CNTNAP2: variants seen among roughly 807,000 people sequenced by gnomAD.
CNTNAP2 encodes the protein contactin-associated protein-like 2.
In CNTNAP2, 98 loss-of-function variants were observed where a neutral mutation model predicts 155.2. The ratio of observed to expected loss-of-function variants is 0.63; its 90% CI spans 0.54 to 0.75. CNTNAP2 has a LOEUF of 0.75. Ranked by LOEUF, CNTNAP2 falls within the 30% of genes least tolerant of loss-of-function variation. The pLI is 0.00. For missense variants in CNTNAP2, 1,727 were observed against 1,688.1 expected, an observed-to-expected ratio of 1.02 and a Z score of -0.40; for synonymous variants, 651 against 631.2, an observed-to-expected ratio of 1.03 and a Z score of -0.47.
rs138689065 is a variant in CNTNAP2 at position 146,200,289 on chromosome 7, A to C, written c.97+83316A>C. 5.2e-3 allele frequency among the ~76,000 whole-genome samples: 799 copies of C among 152,208 alleles called. 6 individuals carry two copies. Among genetic ancestry groups the C allele is most frequent in the African/African-American group, 0.018 (756 of 41,538 alleles). On this transcript the variant is annotated intron_variant, in intron 1 of 23. Transcript: ENST00000361727. ...GGCGGGCGGATCACGATGTCAAGAG[A>C]TCGAAACCATCCTGGCCCACATGGT... is the stretch of plus-strand genomic sequence containing the variant.
chr7:146,507,861 C>G (rs1233278293), intron 1 of CNTNAP2, among the ~76,000 whole-genome samples: 1 of 152,138 alleles, frequency 6.6e-6, no homozygotes, highest in Non-Finnish European at 1.5e-5. Context: ...GCAGCAACAC[C>G]GTGAAAGTCT....
At position 146,774,340 on chromosome 7, in the gene CNTNAP2, G is replaced by GTAGC; in HGVS notation, c.170_173dup (p.Tyr58Ter). On this transcript the variant is annotated frameshift_variant, in exon 2 of 24. Transcript: ENST00000361727. LOFTEE classifies it high-confidence loss of function. ...TTCAGCAGCTCCTCCTCCATCTCTGGTAGCTATTCTCCCGGCTATGCCAAG... is the reference window on the plus strand; with the variant it reads ...TTCAGCAGCTCCTCCTCCATCTCTGGTAGCTAGCTATTCTCCCGGCTATGCCAAG... 1 of 1,613,930 alleles carries GTAGC rather than the reference G, an allele frequency of 6.2e-7. No individual in the cohort carries two copies. Among genetic ancestry groups the GTAGC allele is most frequent in the Non-Finnish European group, 8.5e-7 (1 of 1,179,952 alleles).
At chr7:147,727,762 T>TTTG (rs11428363) in intron 13 of CNTNAP2, among the ~76,000 whole-genome samples, 1 of 151,096 alleles carries the variant, frequency 6.6e-6, no homozygotes, top group Non-Finnish European at 1.5e-5. Context: ...TTTTTTTTTT[T>TTTG]CCTGCGCTCA....
At chr7:146,753,267 A>G (rs1243744615) in intron 1 of CNTNAP2, among the ~76,000 whole-genome samples, 1 of 138,844 alleles carries the variant, frequency 7.2e-6, no homozygotes, top group African/African-American at 3.4e-5. Context: ...ATAACTCAGG[A>G]AAAAAAATAG....
chr7:147,902,465 A>G (rs1799885760), intron 13 of CNTNAP2, among the ~76,000 whole-genome samples: 1 of 152,136 alleles, frequency 6.6e-6, no homozygotes, highest in African/African-American at 2.4e-5. Context: ...TGCATGAGTA[A>G]GTTCTTTAGT....
intron 15 of CNTNAP2, among the ~76,000 whole-genome samples, chr7:148,001,939 G>C (rs527766602): frequency 6.6e-6 from 1 of 151,958 alleles, no homozygotes; most frequent in African/African-American, 2.4e-5. Flanking sequence ...TATATTTTAT[G>C]GTTTTCCAAA....
In CNTNAP2 at chr7:147,324,326, A is replaced by G. The variant is rs190000554; in HGVS notation, c.1498+24036A>G. Among the ~76,000 whole-genome samples the G allele has an allele frequency of 6.3e-4, 96 of 152,322 alleles. No individual in the cohort carries two copies. The Middle Eastern group carries it at 0.01, about 16-fold the overall frequency. ...AAGGATAATTAACCATATTTTAAAA[A>G]CTATTAGAAATGTTTATATTATTGT... On this transcript the variant is annotated intron_variant, in intron 9 of 23. Coordinates refer to ENST00000361727, the MANE Select transcript of CNTNAP2 (RefSeq NM_014141.6).
intron 9 of CNTNAP2, among the ~76,000 whole-genome samples, chr7:147,375,906 C>T (rs1796425451): frequency 6.6e-6 from 1 of 152,004 alleles, no homozygotes; most frequent in African/African-American, 2.4e-5. Flanking sequence ...TTTGAGCCAG[C>T]AGTTCTTCCA....
intron 21 of CNTNAP2, among the ~76,000 whole-genome samples, chr7:148,379,249 C>T (rs76834333): frequency 9.0e-4 from 134 of 149,164 alleles, no homozygotes; most frequent in African/African-American, 3.2e-3. Flanking sequence ...AATATCACAT[C>T]GCCCTCCCCA....
At chr7:146,937,358 A>AAAT (rs1426940587) in intron 3 of CNTNAP2, among the ~76,000 whole-genome samples, 2 of 134,234 alleles carry the variant, frequency 1.5e-5, no homozygotes, top group Admixed American at 7.1e-5. Flanking sequence ...TCTCAAAAAA[A>AAAT]AAAATAAAAA....
intron 3 of CNTNAP2, among the ~76,000 whole-genome samples, chr7:146,865,062 A>G (rs1402560636): frequency 6.6e-6 from 1 of 151,554 alleles, no homozygotes; most frequent in Non-Finnish European, 1.5e-5. Context: ...AAAAAATTCT[A>G]TATGCTAGCA....
chr7:146,330,420 G>A (rs1010738244), intron 1 of CNTNAP2, among the ~76,000 whole-genome samples: 1 of 152,046 alleles, frequency 6.6e-6, no homozygotes, highest in Admixed American at 6.6e-5. Context: ...TGGTGATATG[G>A]GTGGCTATAA....
chr7:147,606,176 T>G, intron 12 of CNTNAP2, among the ~76,000 whole-genome samples: 1 of 152,170 alleles, frequency 6.6e-6, no homozygotes, highest in Non-Finnish European at 1.5e-5. Flanking sequence ...TAATAGAAAC[T>G]CAGAAGCTTT....
Position 147,869,117 on chromosome 7 carries a change from C to A in CNTNAP2, c.2099-34448C>A, listed in dbSNP as rs1183788533. 3.3e-5 allele frequency among the ~76,000 whole-genome samples: 5 copies of A among 152,218 alleles called. No homozygotes were observed. In the East Asian group the frequency reaches 9.6e-4, roughly 29 times the overall value. On this transcript the variant is annotated intron_variant, in intron 13 of 23. Transcript: ENST00000361727. ...CGGCCGTCTTGGAATGGAGCTCTAT[C>A]TTTCCATTTCAATGCAGCCACTTTA...
intron 3 of CNTNAP2, among the ~76,000 whole-genome samples, chr7:146,856,476 TA>T (rs781486077): frequency 2.6e-5 from 4 of 152,064 alleles, no homozygotes; most frequent in Non-Finnish European, 5.9e-5. Context: ...ACCATCATAG[TA>T]AATACTAGTT....
chr7:146,889,244 C>T (rs1231737754), intron 3 of CNTNAP2, among the ~76,000 whole-genome samples: 1 of 152,012 alleles, frequency 6.6e-6, no homozygotes, highest in Non-Finnish European at 1.5e-5. Flanking sequence ...ATAAGTATAG[C>T]TTTCTTATAT....
At chr7:147,502,983 A>G (rs1444500241) in intron 11 of CNTNAP2, among the ~76,000 whole-genome samples, 1 of 152,138 alleles carries the variant, frequency 6.6e-6, no homozygotes, top group Non-Finnish European at 1.5e-5. Context: ...TTCCTGACAG[A>G]TGATTCCAAG....
chr7:146,263,384 T>G (rs781588583), intron 1 of CNTNAP2, among the ~76,000 whole-genome samples: 2 of 152,198 alleles, frequency 1.3e-5, no homozygotes, highest in African/African-American at 2.4e-5. Context: ...TCCCTTACTC[T>G]TAAGCGTAGT....
chr7:147,463,958 TAAA>T (rs34032978), intron 10 of CNTNAP2, among the ~76,000 whole-genome samples: 1 of 82,968 alleles, frequency 1.2e-5, no homozygotes, highest in African/African-American at 4.9e-5. Context: ...GCCCCACTAC[TAAA>T]AAAAAAAAAA....
Sources: gnomAD v4.1 joint callset for allele counts (sites outside exome capture counted in the v4.1 genomes callset) on GRCh38, gnomAD v4.1.1 for gene constraint, MANE v1.5 for transcripts, NCBI Gene and HGNC (gene_info 2026-07-23, HGNC 2026-07-21) for gene names.